The following TG variants were observed in gnomAD, a reference collection of about 807,000 sequenced individuals.
TG encodes thyroid hormones.
TG carries 270 observed loss-of-function variants against 324.7 expected under a neutral mutation model. The observed-to-expected ratio is 0.83, with a 90% CI of 0.75 to 0.92. The LOEUF (loss-of-function observed/expected upper bound fraction) is 0.92, where lower values mean the gene tolerates loss of function less well. Among genes scored for constraint, TG ranks in the 40% least tolerant of loss-of-function variants. The pLI, the probability that TG is intolerant of heterozygous loss-of-function variation, is 0.00. For synonymous variants in TG, 1,401 were observed against 1,327.0 expected (o/e 1.06, Z -1.21); for missense variants, 3,591 against 3,456.4 (o/e 1.04, Z -0.98).
intron 41 of TG, among the ~76,000 whole-genome samples, chr8:133,080,479 C>G (rs925939522): frequency 6.6e-6 from 1 of 152,110 alleles, no homozygotes; most frequent in African/African-American, 2.4e-5. Flanking sequence ...TTCCCACGTC[C>G]CACCTCTCCC....
rs1831511627 is a variant in TG, at chr8:132,986,300, A to G, written c.6262+2888A>G. On this transcript the variant is annotated intron_variant, in intron 35 of 47. Coordinates refer to ENST00000220616, the MANE Select transcript of TG (RefSeq NM_003235.5). The stretch of plus-strand genomic sequence containing the variant: ...TTTGGTTGTTTTTACCTAATATTGC[A>G]TTGTATATATATATGTGTGTGTGTG... Among the ~76,000 whole-genome samples the G allele has an allele frequency of 2.0e-5, 3 of 151,262 alleles. No individual in the cohort carries two copies. In the South Asian group the frequency reaches 6.3e-4, roughly 32 times the overall value.
chr8:133,072,802 G>A (rs368030042), intron 41 of TG: 14 of 152,126 alleles, frequency 9.2e-5, no homozygotes, highest in African/African-American at 3.4e-4. Flanking sequence ...TATTCGGAAA[G>A]CGACTTTAGT....
chr8:132,873,491 A>G (rs1839690623), intron 5 of TG, among the ~76,000 whole-genome samples: 1 of 152,220 alleles, frequency 6.6e-6, no homozygotes, highest in Non-Finnish European at 1.5e-5. Flanking sequence ...TAGGGTGCCT[A>G]CTACATCATT....
At chr8:132,983,726 GAC>G in intron 35 of TG, 1 of 459,462 alleles carries the variant, frequency 2.2e-6, no homozygotes, top group African/African-American at 2.0e-5. Context: ...GTAATGACTA[GAC>G]ACACACAATC....
At chr8:133,096,120 G>A (rs1427635836) in intron 42 of TG, 86 bp from the exon 43 acceptor site, 3 of 1,501,328 alleles carry the variant, frequency 2.0e-6, no homozygotes, top group Non-Finnish European at 2.8e-6. Flanking sequence ...AACCAGTATT[G>A]GCATTCAGTA....
intron 11 of TG, among the ~76,000 whole-genome samples, chr8:132,895,269 A>C (rs1235134417): frequency 6.6e-6 from 1 of 152,236 alleles, no homozygotes; most frequent in Non-Finnish European, 1.5e-5. Context: ...ACAGCAAGAC[A>C]GTCCTCCCCT....
Position 132,922,827 on chromosome 8 carries a change from C to T in TG, c.4529-511C>T, listed in dbSNP as rs543820037. Among the ~76,000 whole-genome samples the T allele has an allele frequency of 1.6e-4, 25 of 152,334 alleles. No individual in the cohort carries two copies. In the East Asian group the frequency reaches 4.8e-3, roughly 29 times the overall value. ...AAATCTCATTCATGAGTGTTCCACT[C>T]TCATGATCTAGTCACCTCCCAAAGG... On this transcript the variant is annotated intron_variant, in intron 21 of 47. Coordinates refer to ENST00000220616, the MANE Select transcript of TG (RefSeq NM_003235.5).
chr8:132,881,604 A>T (rs183476792), intron 5 of TG, among the ~76,000 whole-genome samples: 3 of 152,226 alleles, frequency 2.0e-5, no homozygotes, highest in Non-Finnish European at 4.4e-5. Flanking sequence ...GTCAAATGCC[A>T]TAAGTGAGGA....
At chr8:133,006,835 T>C (rs932123934) in intron 35 of TG, among the ~76,000 whole-genome samples, 15 of 152,386 alleles carry the variant, frequency 9.8e-5, no homozygotes, top group Middle Eastern at 6.8e-3. Context: ...TTTTTAGTTA[T>C]AGGTTTTTTG....
intron 27 of TG, among the ~76,000 whole-genome samples, chr8:132,949,910 G>T (rs1169184565): frequency 6.6e-6 from 1 of 152,166 alleles, no homozygotes; most frequent in East Asian, 1.9e-4. Flanking sequence ...TGCCCACTCT[G>T]TGCTGGGCTA....
chr8:133,126,991 C>T (rs1851572655), intron 45 of TG, among the ~76,000 whole-genome samples: 1 of 152,124 alleles, frequency 6.6e-6, no homozygotes, highest in Admixed American at 6.5e-5. Flanking sequence ...ACTGAAATCC[C>T]TGCAAGCACA....
chr8:133,042,335 C>T (rs1205862570), intron 41 of TG, among the ~76,000 whole-genome samples: 7 of 152,162 alleles, frequency 4.6e-5, no homozygotes, highest in African/African-American at 1.7e-4. Flanking sequence ...TAGGGTCCAA[C>T]AGCTCTATAT....
intron 41 of TG, among the ~76,000 whole-genome samples, chr8:133,053,394 G>C (rs769732004): frequency 1.9e-4 from 29 of 152,194 alleles, no homozygotes; most frequent in Non-Finnish European, 3.4e-4. Flanking sequence ...CTCAAAGCAG[G>C]CTTACTGAAT....
intron 41 of TG, chr8:133,058,944 C>A (rs2131314985): frequency 6.3e-6 from 3 of 473,476 alleles, no homozygotes; most frequent in South Asian, 3.0e-5. Context: ...TGGGTCTTGG[C>A]ATGCTGGCTT....
At chr8:132,986,019 T>G (rs1187268758) in intron 35 of TG, among the ~76,000 whole-genome samples, 1 of 152,158 alleles carries the variant, frequency 6.6e-6, no homozygotes, top group Non-Finnish European at 1.5e-5. Flanking sequence ...TTCAAAACTT[T>G]TTAACGTTTA....
At chr8:132,915,430 G>A (rs1408525611) in intron 20 of TG, among the ~76,000 whole-genome samples, 1 of 152,202 alleles carries the variant, frequency 6.6e-6, no homozygotes, top group African/African-American at 2.4e-5. Context: ...AAGAAGATGG[G>A]AGGGGCCACT....
chr8:133,019,072 G>A (rs1023783018), intron 38 of TG, among the ~76,000 whole-genome samples: 1 of 152,172 alleles, frequency 6.6e-6, no homozygotes, highest in Admixed American at 6.5e-5. Flanking sequence ...TGAGAGCTTG[G>A]GTCATTGTAG....
chr8:132,869,079 G>T (rs1026061215), intron 2 of TG, among the ~76,000 whole-genome samples: 1 of 152,220 alleles, frequency 6.6e-6, no homozygotes, highest in Non-Finnish European at 1.5e-5. Context: ...AAGGAGTTAA[G>T]GAGGAAGTCT....
intron 45 of TG, among the ~76,000 whole-genome samples, chr8:133,124,942 G>T (rs149196308): frequency 4.6e-5 from 7 of 152,272 alleles, no homozygotes; most frequent in African/African-American, 1.7e-4. Context: ...AAGAAAATAC[G>T]AAGTGGATAG....
Sources: allele counts gnomAD v4.1 joint callset (sites outside exome capture counted in the v4.1 genomes callset), GRCh38; gene constraint gnomAD v4.1.1; transcripts MANE v1.5; gene names NCBI Gene and HGNC (gene_info 2026-07-23, HGNC 2026-07-21).